Variants in DYM observed in about 807,000 individuals in gnomAD.
The protein encoded by DYM is dyggve-Melchior-Clausen syndrome protein.
Under a neutral mutation model 93.1 loss-of-function variants are expected in DYM, and 78 were observed. The observed-to-expected ratio is 0.84, with a 90% confidence interval of 0.70 to 1.01. The LOEUF is 1.01. Among genes scored for constraint, DYM ranks in the 50% least tolerant of loss-of-function variants. DYM has a pLI of 0.00. For missense variants in DYM, 789 were observed against 845.0 expected, an observed-to-expected ratio of 0.93 and a Z score of 0.82; for synonymous variants, 321 against 319.7, an observed-to-expected ratio of 1.00 and a Z score of -0.04.
At chr18:49,199,065 A>C (rs556021299) in intron 14 of DYM, among the ~76,000 whole-genome samples, 8 of 152,310 alleles carry the variant, frequency 5.3e-5, no homozygotes, top group East Asian at 1.9e-4. Flanking sequence ...AGGATGAGTT[A>C]ATGTCCTTTG....
chr18:49,072,684 G>C (rs1416126838), intron 17 of DYM, among the ~76,000 whole-genome samples: 1 of 152,240 alleles, frequency 6.6e-6, no homozygotes, highest in African/African-American at 2.4e-5. Context: ...GTGAGTTTCG[G>C]AACGTTTGAG....
intron 16 of DYM, among the ~76,000 whole-genome samples, chr18:49,109,993 T>C (rs545837911): frequency 2.3e-4 from 35 of 152,358 alleles, no homozygotes; most frequent in Middle Eastern, 3.4e-3. Flanking sequence ...ATTGTTACTA[T>C]CTTTATTTTA....
intron 16 of DYM, among the ~76,000 whole-genome samples, chr18:49,118,019 T>G (rs9950841): frequency 2.3e-3 from 308 of 134,970 alleles, no homozygotes; most frequent in South Asian, 3.9e-3. Context: ...TTTTTTTTTT[T>G]TGTGTGTGAG....
intron 14 of DYM, among the ~76,000 whole-genome samples, chr18:49,179,319 C>T (rs2089695395): frequency 1.3e-5 from 2 of 152,048 alleles, no homozygotes; most frequent in Admixed American, 6.6e-5. Context: ...GAGATTTGAC[C>T]AATATTCAGT....
chr18:49,175,375 T>C (rs1273468386), intron 14 of DYM, among the ~76,000 whole-genome samples: 1 of 152,168 alleles, frequency 6.6e-6, no homozygotes, highest in Admixed American at 6.6e-5. Context: ...AATCTTATCT[T>C]TAAGGACCAA....
intron 16 of DYM, among the ~76,000 whole-genome samples, chr18:49,106,559 A>G (rs2080835347): frequency 6.6e-6 from 1 of 152,012 alleles, no homozygotes; most frequent in Admixed American, 6.6e-5. Context: ...GTTCCTTTCT[A>G]TGTTTAGTGC....
intron 8 of DYM, among the ~76,000 whole-genome samples, chr18:49,287,706 G>A (rs1259367258): frequency 1.3e-5 from 2 of 151,710 alleles, no homozygotes; most frequent in Non-Finnish European, 2.9e-5. Context: ...TTAGCCAGGC[G>A]TGGTGGCGGG....
Position 49,244,505 on chromosome 18 carries a change from C to A in DYM, c.1460+12505G>T, listed in dbSNP as rs185225468. Among the ~76,000 whole-genome samples the A allele has an allele frequency of 5.3e-5, 8 of 152,290 alleles. No homozygotes were observed. The East Asian group carries it at 1.4e-3, about 26-fold the overall frequency. ...AATTTAAAACTTCACTTATAAGAAG[C>A]ACTGGCAAAGGAAGGTGTTGTAGAC... On this transcript the variant is annotated intron_variant, in intron 13 of 17. Transcript: ENST00000675505.
intron 8 of DYM, among the ~76,000 whole-genome samples, chr18:49,309,138 A>T (rs766113828): frequency 6.6e-6 from 1 of 152,208 alleles, no homozygotes; most frequent in African/African-American, 2.4e-5. Flanking sequence ...TATAATTTAA[A>T]TATCTATGAA....
At chr18:49,171,437 C>A (rs557094133) in intron 14 of DYM, among the ~76,000 whole-genome samples, 2 of 152,180 alleles carry the variant, frequency 1.3e-5, no homozygotes, top group African/African-American at 4.8e-5. Flanking sequence ...CACAAAAGAC[C>A]TGGGAGCAGA....
In DYM at chr18:49,332,014, A is replaced by T; in HGVS notation, c.621-8T>A. On this transcript the variant is annotated splice_polypyrimidine_tract_variant and splice_region_variant and intron_variant, in intron 7 of 17. Coordinates refer to ENST00000675505, the MANE Select transcript of DYM (RefSeq NM_001353214.3). The stretch of plus-strand genomic sequence containing the variant: ...TTGCTGGTGTATGGAAGACTATACA[A>T]AAAGGAAAAAAAAATCAAACTCATA... The T allele has an allele frequency of 6.2e-7, 1 of 1,612,494 alleles. No individual in the cohort carries two copies. Among genetic ancestry groups the T allele is most frequent in the Non-Finnish European group, 8.5e-7 (1 of 1,179,128 alleles).
intron 2 of DYM, among the ~76,000 whole-genome samples, chr18:49,392,330 G>GA (rs2069357528): frequency 1.3e-5 from 2 of 151,970 alleles, no homozygotes; most frequent in Admixed American, 6.6e-5. Context: ...GGTATCAACA[G>GA]AAAAAAACAG....
intron 2 of DYM, among the ~76,000 whole-genome samples, chr18:49,426,451 C>T (rs982121382): frequency 2.7e-5 from 4 of 150,856 alleles, no homozygotes; most frequent in Non-Finnish European, 5.9e-5. Flanking sequence ...ATGTAAATGA[C>T]GAGTTAATGG....
chr18:49,053,814 T>C (rs922435508), intron 17 of DYM, among the ~76,000 whole-genome samples: 5 of 152,186 alleles, frequency 3.3e-5, no homozygotes, highest in African/African-American at 1.2e-4. Flanking sequence ...AAACCAAATG[T>C]TGGTGGGCTT....
chr18:49,172,643 T>C (rs745822926), intron 14 of DYM, among the ~76,000 whole-genome samples: 13 of 152,182 alleles, frequency 8.5e-5, no homozygotes, highest in Non-Finnish European at 1.8e-4. Context: ...ATATTCTGGA[T>C]ACAAGTTCTT....
At chr18:49,369,986 C>T (rs1202449755) in intron 5 of DYM, among the ~76,000 whole-genome samples, 2 of 152,192 alleles carry the variant, frequency 1.3e-5, no homozygotes, top group African/African-American at 4.8e-5. Flanking sequence ...TCTTTCAAAA[C>T]AGGAATAACG....
At chr18:49,405,581 G>A (rs2071391251) in intron 2 of DYM, among the ~76,000 whole-genome samples, 1 of 152,116 alleles carries the variant, frequency 6.6e-6, no homozygotes, top group Non-Finnish European at 1.5e-5. Context: ...TCTCTATTCT[G>A]TTCCATTGGT....
At chr18:49,129,958 T>C (rs1453169188) in intron 15 of DYM, among the ~76,000 whole-genome samples, 1 of 152,068 alleles carries the variant, frequency 6.6e-6, no homozygotes, top group Non-Finnish European at 1.5e-5. Flanking sequence ...CCAATCCTGA[T>C]GATAGAGGAA....
chr18:49,214,758 G>A (rs543517888), intron 13 of DYM, among the ~76,000 whole-genome samples: 2 of 152,082 alleles, frequency 1.3e-5, no homozygotes, highest in Non-Finnish European at 2.9e-5. Context: ...AATTACATTA[G>A]CATAACTGAA....
Sources: gnomAD v4.1 joint callset for allele counts (sites outside exome capture counted in the v4.1 genomes callset) on GRCh38, gnomAD v4.1.1 for gene constraint, MANE v1.5 for transcripts, NCBI Gene and HGNC (gene_info 2026-07-23, HGNC 2026-07-21) for gene names.